The following USP54 variants were observed in gnomAD, a reference collection of about 807,000 sequenced individuals.
USP54 encodes ubiquitin carboxyl-terminal hydrolase 54.
In USP54, 87 loss-of-function variants were observed where a neutral mutation model predicts 170.5. The ratio of observed to expected loss-of-function variants is 0.51; its 90% CI spans 0.43 to 0.61. The LOEUF is 0.61. Ranked by LOEUF, USP54 falls within the 20% of genes least tolerant of loss-of-function variation. The pLI, the probability that USP54 is intolerant of heterozygous loss-of-function variation, is 0.00. For synonymous variants in USP54, 655 were observed against 742.8 expected (o/e 0.88, Z 1.92); for missense variants, 1,786 against 2,047.8 (o/e 0.87, Z 2.47).
intron 1 of USP54, among the ~76,000 whole-genome samples, chr10:73,586,717 T>C (rs1001563475): frequency 2.0e-4 from 30 of 152,166 alleles, no homozygotes; most frequent in African/African-American, 5.3e-4. Context: ...ATGGAAACAA[T>C]ATTTGCTTCT....
At chr10:73,521,479 G>A (rs1173443226) in intron 17 of USP54, among the ~76,000 whole-genome samples, 2 of 152,176 alleles carry the variant, frequency 1.3e-5, no homozygotes, top group Non-Finnish European at 1.5e-5. Context: ...CAACTAAGAC[G>A]TTCACTGCTA....
intron 4 of USP54, among the ~76,000 whole-genome samples, chr10:73,566,349 T>C (rs551664914): frequency 3.9e-5 from 6 of 152,324 alleles, no homozygotes; most frequent in African/African-American, 1.4e-4. Flanking sequence ...AAAATTTGCA[T>C]ACAATGATTC....
chr10:73,508,172 C>T (rs927385422), intron 20 of USP54, among the ~76,000 whole-genome samples: 3 of 152,000 alleles, frequency 2.0e-5, no homozygotes, highest in Non-Finnish European at 2.9e-5. Context: ...CTTTGGGAGG[C>T]GAGGCGGGTG....
chr10:73,517,386 G>C lies in USP54; in HGVS notation c.3040C>G (p.Pro1014Ala). The change falls in exon 20 of 24, where the codon CCA (proline) becomes GCA (alanine). Residue 1014 changes from proline to alanine, a missense_variant. Around this residue, in one of 3 missense-constraint regions of USP54, gnomAD observed 1,418 missense variants for 1,569.0 expected, o/e 0.90. Coordinates refer to ENST00000687698, the MANE Select transcript of USP54 (RefSeq NM_001391956.1). ...TGAGCAATGCCTCTTCCTTCTTGTG[G>C]AGGGAGCTTGCTGCAACTGCTGTTG... Reference protein sequence around the residue: ...CDNSSCSKLPPQEGRGIAQEQ... With the variant: ...CDNSSCSKLPAQEGRGIAQEQ... 1 of 1,613,822 alleles carries C rather than the reference G, an allele frequency of 6.2e-7. No individual in the cohort carries two copies. Among genetic ancestry groups the C allele is most frequent in the South Asian group, 1.1e-5 (1 of 91,050 alleles).
At chr10:73,552,486 C>CACAT (rs1378422401) in intron 4 of USP54, among the ~76,000 whole-genome samples, 31 of 151,174 alleles carry the variant, frequency 2.1e-4, no homozygotes, top group African/African-American at 3.6e-4. Flanking sequence ...CACACACACA[C>CACAT]ATATATATAT....
intron 1 of USP54, among the ~76,000 whole-genome samples, chr10:73,619,146 A>G (rs111606869): frequency 0.093 from 13,930 of 150,366 alleles, 1,743 homozygotes; most frequent in African/African-American, 0.2. Context: ...CCAGGAGGTG[A>G]AGGTTGCATT....
chr10:73,594,640 G>A (rs561190062), upstream of USP54, among the ~76,000 whole-genome samples: 2 of 149,334 alleles, frequency 1.3e-5, no homozygotes, highest in Admixed American at 1.3e-4. Context: ...ATAAACTGGA[G>A]GATTGGGGTG....
At chr10:73,557,111 T>C (rs1034111549) in intron 4 of USP54, among the ~76,000 whole-genome samples, 1 of 152,110 alleles carries the variant, frequency 6.6e-6, no homozygotes, top group Non-Finnish European at 1.5e-5. Flanking sequence ...GGATTTCCTA[T>C]CCTGAACAGA....
At chr10:73,528,448 G>A (rs2063354374) in intron 15 of USP54, among the ~76,000 whole-genome samples, 1 of 151,502 alleles carries the variant, frequency 6.6e-6, no homozygotes, top group Admixed American at 6.6e-5. Context: ...AGTAGAGACG[G>A]GGTTTCACCA....
At position 73,591,302 on chromosome 10, in the gene USP54, A is replaced by T. The variant is rs566772864; in HGVS notation, c.-606T>A. 6.6e-6 allele frequency: 1 copy of T among 152,198 alleles called. No homozygotes were observed. Among genetic ancestry groups the T allele is most frequent in the Non-Finnish European group, 1.5e-5 (1 of 68,068 alleles). 9.4% of individuals were successfully genotyped at this position (152,198 alleles called of 1,614,324 possible). A position where few individuals can be genotyped will look rare whatever the true frequency, so the allele number is the denominator to read the frequency against. ...CCAGACAGCACAGTCAACCTCCAGC[A>T]AAAGACCTCTAATCACGAGGGTATC... On this transcript the variant is annotated 5_prime_UTR_variant, in exon 1 of 24. Transcript: ENST00000687698.
At chr10:73,568,504 AAAC>A (rs2133771806) in intron 4 of USP54, among the ~76,000 whole-genome samples, 1 of 152,324 alleles carries the variant, frequency 6.6e-6, no homozygotes, top group South Asian at 2.1e-4. Context: ...AAAAGAATAG[AAAC>A]AACGCCATCT....
Position 73,516,530 on chromosome 10 carries a change from C to T in USP54, c.3896G>A (p.Arg1299Lys), listed in dbSNP as rs150112870. The T allele has an allele frequency of 1.2e-6, 2 of 1,614,186 alleles. No homozygotes were observed. The highest frequency in any genetic ancestry group is 1.7e-6 in the Non-Finnish European group (2 of 1,180,038). The change falls in exon 20 of 24, where the codon AGA (arginine) becomes AAA (lysine). Residue 1299 changes from arginine to lysine, a missense_variant. Coordinates refer to ENST00000687698, the MANE Select transcript of USP54 (RefSeq NM_001391956.1). ...ATGTGGATGCAAAAGGATGTGATTT[C>T]TCTCTGGATAGGTTACACACGTATG... Reference protein sequence around the residue: ...DSHTCVTYPERNHILLHPHWN... With the variant: ...DSHTCVTYPEKNHILLHPHWN...
Position 73,530,242 on chromosome 10 carries a change from T to C in USP54, c.1729A>G (p.Arg577Gly). Residue 577 changes from arginine (R) to glycine (G), a missense_variant, in exon 14 of 24, where the codon AGA (arginine) becomes GGA (glycine). Around this residue, in one of 3 missense-constraint regions of USP54, gnomAD observed 1,418 missense variants for 1,569.0 expected, o/e 0.90. Coordinates refer to ENST00000687698, the MANE Select transcript of USP54 (RefSeq NM_001391956.1). ...SSSSKYRPTWRPKRESLNIDS... is the reference protein window; with the variant it reads ...SSSSKYRPTWGPKRESLNIDS... ...ATATTCAGAGATTCTCGTTTGGGTCTCCATGTGGGACGATACTTGCTGGAA... is the reference window on the plus strand; with the variant it reads ...ATATTCAGAGATTCTCGTTTGGGTCCCCATGTGGGACGATACTTGCTGGAA... 2.5e-6 allele frequency: 4 copies of C among 1,614,196 alleles called. No individual in the cohort carries two copies. The highest frequency in any genetic ancestry group is 3.4e-6 in the Non-Finnish European group (4 of 1,180,040).
intron 4 of USP54, among the ~76,000 whole-genome samples, chr10:73,565,104 G>A (rs990416147): frequency 6.6e-6 from 1 of 151,858 alleles, no homozygotes; most frequent in Non-Finnish European, 1.5e-5. Context: ...TATGATTGTA[G>A]CTTTGGTACC....
chr10:73,509,826 GGCAAAACCCT>G lies in USP54; in HGVS notation c.4052-4410_4052-4401del, dbSNP rs2059912194. 3.9e-5 allele frequency among the ~76,000 whole-genome samples: 6 copies of G among 151,910 alleles called. 1 individual carries two copies. The South Asian group carries it at 1.2e-3, about 32-fold the overall frequency. On this transcript the variant is annotated intron_variant, in intron 20 of 23. Transcript: ENST00000687698. ...AGGTAGAGACCAACCTGGGCAACAT[GGCAAAACCCT>G]GTCGCTCCAAACCACACACAAAAAT...
At chr10:73,511,990 C>T (rs1025325775) in intron 20 of USP54, among the ~76,000 whole-genome samples, 5 of 152,096 alleles carry the variant, frequency 3.3e-5, no homozygotes, top group Admixed American at 2.0e-4. Flanking sequence ...AGGTGATCCA[C>T]CCGACTCAGC....
chr10:73,559,764 A>G (rs899270169), intron 4 of USP54, among the ~76,000 whole-genome samples: 1 of 150,066 alleles, frequency 6.7e-6, no homozygotes, highest in Non-Finnish European at 1.5e-5. Flanking sequence ...TCAGCTTCAC[A>G]TTAGAGAATG....
chr10:73,618,741 C>CA (rs1320519590), intron 1 of USP54, among the ~76,000 whole-genome samples: 724 of 58,078 alleles, frequency 0.012, 7 homozygotes, highest in East Asian at 0.022. Flanking sequence ...GACTCCATCT[C>CA]AAAAAAAAAA....
upstream of USP54, chr10:73,625,790 T>A (rs548483385): frequency 6.6e-6 from 1 of 151,608 alleles, no homozygotes; most frequent in Non-Finnish European, 1.5e-5. Context: ...GCCGCGTCCC[T>A]GTACCCACAG....
Sources: allele counts gnomAD v4.1 joint callset (sites outside exome capture counted in the v4.1 genomes callset), GRCh38; gene constraint gnomAD v4.1.1; regional missense constraint gnomAD v4.1.1; transcripts MANE v1.5; gene names NCBI Gene and HGNC (gene_info 2026-07-23, HGNC 2026-07-21).